YTHDC1: variants seen among roughly 807,000 people sequenced by gnomAD.
YTHDC1 encodes YTH domain-containing protein 1.
Under a neutral mutation model 107.0 loss-of-function variants are expected in YTHDC1, and 12 were observed. The observed-to-expected ratio is 0.11, with a 90% CI of 0.07 to 0.18. The LOEUF (loss-of-function observed/expected upper bound fraction) is 0.18. Ranked by LOEUF, YTHDC1 falls within the 10% of genes least tolerant of loss-of-function variation. The pLI, the probability that YTHDC1 is intolerant of heterozygous loss-of-function variation, is 1.00. For missense variants in YTHDC1, 635 were observed against 898.8 expected, an observed-to-expected ratio of 0.71 and a Z score of 3.75; for synonymous variants, 280 against 289.5, an observed-to-expected ratio of 0.97 and a Z score of 0.33.
intron 6 of YTHDC1, 74 bp downstream of exon 6, chr4:68,332,720 T>C: frequency 1.5e-6 from 2 of 1,350,550 alleles, no homozygotes; most frequent in Non-Finnish European, 2.1e-6. Context: ...AAAGCAGCTA[T>C]TAATGGAGAA....
chr4:68,332,266 TA>T, intron 6 of YTHDC1, 69 bp from the exon 7 acceptor site: 1 of 1,006,714 alleles, frequency 9.9e-7, no homozygotes, highest in African/African-American at 1.7e-5. Context: ...AAAACTGTAC[TA>T]ACTGAAATTA....
intron 1 of YTHDC1, among the ~76,000 whole-genome samples, chr4:68,341,066 T>C (rs967337548): frequency 3.9e-5 from 6 of 152,084 alleles, no homozygotes; most frequent in African/African-American, 1.2e-4. Flanking sequence ...TAAAATTTTA[T>C]CACTTTTAAA....
rs942817557 is a variant in YTHDC1 at position 68,346,224 on chromosome 4, T to C, written c.28+3502A>G. Reference sequence around the variant, plus strand: ...TAAGCCCGGGAGTTCAAGACAATCCTGGGCAACATAGGAAGACCTCGTCTC... The same window carrying C: ...TAAGCCCGGGAGTTCAAGACAATCCCGGGCAACATAGGAAGACCTCGTCTC... On this transcript the variant is annotated intron_variant, in intron 1 of 16. Transcript: ENST00000344157. Among the ~76,000 whole-genome samples the C allele has an allele frequency of 3.3e-5, 5 of 151,890 alleles. No homozygotes were observed. The East Asian group carries it at 9.7e-4, about 29-fold the overall frequency.
At chr4:68,338,239 A>C in intron 2 of YTHDC1, 44 bp downstream of exon 2, 1 of 1,513,008 alleles carries the variant, frequency 6.6e-7, no homozygotes. Flanking sequence ...AATCTCCTCT[A>C]TTTATACTGT....
In YTHDC1 at chr4:68,349,869, C is replaced by A; in HGVS notation, c.-116G>T. 1 of 1,459,638 alleles carries A rather than the reference C, an allele frequency of 6.9e-7. No individual in the cohort carries two copies. The highest frequency in any genetic ancestry group is 9.5e-7 in the Non-Finnish European group (1 of 1,054,200). The allele number at this position is 1,459,638 out of a possible 1,614,324, so 90.4% of individuals were successfully genotyped here. ...GTCCGTCAGTCCGTCTGCCCGGATA[C>A]GCGCGTCGCACTTGGCCTCTTAACA... On this transcript the variant is annotated 5_prime_UTR_variant, in exon 1 of 17. Coordinates refer to ENST00000344157, the MANE Select transcript of YTHDC1 (RefSeq NM_001031732.4).
chr4:68,322,038 T>C lies in YTHDC1; in HGVS notation c.1601+711A>G, dbSNP rs148163323. 1.7e-4 allele frequency among the ~76,000 whole-genome samples: 26 copies of C among 152,300 alleles called. No homozygotes were observed. In the East Asian group the frequency reaches 3.5e-3, roughly 20 times the overall value. ...CAGGTACTGCCAGCATCTGGAAAAGTTGTAAACAGACACAGCAACAGCCCT... is the reference window on the plus strand; with the variant it reads ...CAGGTACTGCCAGCATCTGGAAAAGCTGTAAACAGACACAGCAACAGCCCT... On this transcript the variant is annotated intron_variant, in intron 11 of 16. Coordinates refer to ENST00000344157, the MANE Select transcript of YTHDC1 (RefSeq NM_001031732.4). The surrounding 1 kb of genome is among the most constrained non-coding windows in gnomAD (Gnocchi z 4.8).
Position 68,337,680 on chromosome 4 carries a change from T to C in YTHDC1, c.351A>G (p.Leu117=), listed in dbSNP as rs745308530. 1.9e-6 allele frequency: 3 copies of C among 1,614,194 alleles called. No individual in the cohort carries two copies. Among genetic ancestry groups the C allele is most frequent in the South Asian group, 1.1e-5 (1 of 91,082 alleles). Residue 117 remains leucine (L), a synonymous_variant, in exon 3 of 17, where the codon CTA becomes CTG. Transcript: ENST00000344157. ...KRLDADRKIR[L]SSSASREPYK... is the part of the protein sequence containing the mutation. ...AAGGTTCTCTGGAGGCACTACTTGATAGACGAATTTTCCGATCAGCATCTA... is the reference window on the plus strand; with the variant it reads ...AAGGTTCTCTGGAGGCACTACTTGACAGACGAATTTTCCGATCAGCATCTA...
rs1721215949 is a variant in YTHDC1, at chr4:68,310,403, T to C, written c.*3696A>G. 1 of 152,206 alleles carries C rather than the reference T, an allele frequency of 6.6e-6. No homozygotes were observed. The highest frequency in any genetic ancestry group is 1.9e-4 in the East Asian group (1 of 5,194). 9.4% of individuals were successfully genotyped at this position (152,206 alleles called of 1,614,324 possible). Reference sequence around the variant, plus strand: ...AAGACATAGTAGTATTTAAGATACATTTAATGTATTTATTAGTATTTAAGA... The same window carrying C: ...AAGACATAGTAGTATTTAAGATACACTTAATGTATTTATTAGTATTTAAGA... On this transcript the variant is annotated 3_prime_UTR_variant, in exon 17 of 17. Coordinates refer to ENST00000344157, the MANE Select transcript of YTHDC1 (RefSeq NM_001031732.4).
chr4:68,347,649 G>GA lies in YTHDC1; in HGVS notation c.28+2076dup, dbSNP rs561678227. On this transcript the variant is annotated intron_variant, in intron 1 of 16. Transcript: ENST00000344157. ...CTATCAAGATCTTAAACCATTTATGGAATCATTTGAGAAAGAACTTAACGT... is the reference window on the plus strand; with the variant it reads ...CTATCAAGATCTTAAACCATTTATGGAAATCATTTGAGAAAGAACTTAACGT... Among the ~76,000 whole-genome samples, 3 of 152,244 alleles carry GA rather than the reference G, an allele frequency of 2.0e-5. No homozygotes were observed. In the South Asian group the frequency reaches 6.2e-4, roughly 32 times the overall value.
chr4:68,316,698 GCTTA>G (rs1721895017), intron 15 of YTHDC1, among the ~76,000 whole-genome samples: 1 of 152,122 alleles, frequency 6.6e-6, no homozygotes, highest in Non-Finnish European at 1.5e-5. Flanking sequence ...CTTACATGGT[GCTTA>G]CTGTGAGCCA....
intron 1 of YTHDC1, among the ~76,000 whole-genome samples, chr4:68,342,738 A>C (rs1724983709): frequency 6.6e-6 from 1 of 152,116 alleles, no homozygotes; most frequent in Non-Finnish European, 1.5e-5. Context: ...ATTTTAATTC[A>C]TTTTTTTAAC....
At chr4:68,335,833 TTC>T (rs1337536064) in intron 4 of YTHDC1, among the ~76,000 whole-genome samples, 1 of 151,468 alleles carries the variant, frequency 6.6e-6, no homozygotes, top group Non-Finnish European at 1.5e-5. Context: ...TACTCATCTA[TTC>T]TGTTTAACTC....
At chr4:68,338,869 C>T (rs1167734096) in intron 1 of YTHDC1, among the ~76,000 whole-genome samples, 1 of 152,096 alleles carries the variant, frequency 6.6e-6, no homozygotes, top group African/African-American at 2.4e-5. Context: ...CACACACAAA[C>T]AGAAGTCTGG....
In YTHDC1 at chr4:68,314,234, C is replaced by T. The variant is rs769976219; in HGVS notation, c.2049G>A (p.Arg683=). ...GRRSRPRERD[R]ERERDRPRDN... is the part of the protein sequence containing the mutation. ...CTCTAGGGCGGTCTCGCTCTCGTTC[C>T]CGGTCTCTTTCACGGGGTCTACTTC... Residue 683 remains arginine (R), a synonymous_variant, in exon 17 of 17, where the codon CGG becomes CGA. Coordinates refer to ENST00000344157, the MANE Select transcript of YTHDC1 (RefSeq NM_001031732.4). 17 of 1,613,682 alleles carry T rather than the reference C, an allele frequency of 1.1e-5. 1 individual carries two copies. The highest frequency in any genetic ancestry group is 1.6e-4 in the Middle Eastern group (1 of 6,082).
chr4:68,348,073 T>C (rs1023068161), intron 1 of YTHDC1, among the ~76,000 whole-genome samples: 2 of 152,236 alleles, frequency 1.3e-5, no homozygotes, highest in Admixed American at 6.5e-5. Context: ...CAACAGGTGA[T>C]ATCACTACTT....
intron 9 of YTHDC1, among the ~76,000 whole-genome samples, chr4:68,326,928 ATTAAAG>A (rs986624842): frequency 7.9e-5 from 12 of 151,134 alleles, no homozygotes; most frequent in Non-Finnish European, 1.6e-4. Flanking sequence ...TGGTTTGTTG[ATTAAAG>A]TTAAAAAGAA....
At chr4:68,326,292 AAC>A (rs1471794788) in intron 9 of YTHDC1, among the ~76,000 whole-genome samples, 1 of 152,184 alleles carries the variant, frequency 6.6e-6, no homozygotes, top group East Asian at 1.9e-4. Context: ...TCACTGTTTC[AAC>A]ACAGTTAATC....
In YTHDC1 at chr4:68,337,559, T is replaced by C. The variant is rs748491052; in HGVS notation, c.459+13A>G. The C allele has an allele frequency of 6.3e-7, 1 of 1,590,494 alleles. No homozygotes were observed. The highest frequency in any genetic ancestry group is 8.5e-7 in the Non-Finnish European group (1 of 1,172,708). ...ATGGCTTTCTGTTTTATATCTGCAA[T>C]AATATTTACTACCTCAGAACCATCT... On this transcript the variant is annotated intron_variant, in intron 3 of 16. Coordinates refer to ENST00000344157, the MANE Select transcript of YTHDC1 (RefSeq NM_001031732.4).
At chr4:68,345,279 G>C (rs1036424215) in intron 1 of YTHDC1, among the ~76,000 whole-genome samples, 7 of 151,986 alleles carry the variant, frequency 4.6e-5, no homozygotes, top group African/African-American at 1.4e-4. Context: ...GAAGCTTCTG[G>C]GTCAGAAGAC....
Sources: gnomAD v4.1 joint callset for allele counts (sites outside exome capture counted in the v4.1 genomes callset) on GRCh38, gnomAD v4.1.1 for gene constraint, Gnocchi (gnomAD v3.1) non-coding constraint, MANE v1.5 for transcripts, NCBI Gene and HGNC (gene_info 2026-07-23, HGNC 2026-07-21) for gene names.